BAIAP2L1: variants seen among roughly 807,000 people sequenced by gnomAD.
The protein encoded by BAIAP2L1 is BAR/IMD domain containing adaptor protein 2 like 1.
BAIAP2L1 carries 35 observed loss-of-function variants against 66.3 expected under a neutral mutation model. That is an observed-to-expected ratio of 0.53 (90% CI 0.40 to 0.70). The LOEUF is 0.70. Ranked by LOEUF, BAIAP2L1 falls within the 30% of genes least tolerant of loss-of-function variation. The pLI is 0.00. For synonymous variants in BAIAP2L1, 269 were observed against 248.7 expected (o/e 1.08, Z -0.77); for missense variants, 622 against 656.9 (o/e 0.95, Z 0.58).
chr7:98,300,304 T>C (rs1225817680), intron 12 of BAIAP2L1, among the ~76,000 whole-genome samples: 1 of 152,138 alleles, frequency 6.6e-6, no homozygotes, highest in Admixed American at 6.5e-5. Context: ...CACCAATGCG[T>C]CTGTAGGCTG....
At chr7:98,380,218 T>C (rs937747368) in intron 1 of BAIAP2L1, among the ~76,000 whole-genome samples, 1 of 151,978 alleles carries the variant, frequency 6.6e-6, no homozygotes, top group African/African-American at 2.4e-5. Flanking sequence ...GCAGGGACTT[T>C]AGGTACGCAC....
In BAIAP2L1 at chr7:98,307,481, T is replaced by C. The variant is rs937309659; in HGVS notation, c.1163+208A>G. 5 of 1,424,570 alleles carry C rather than the reference T, an allele frequency of 3.5e-6. No individual in the cohort carries two copies. The Admixed American group carries it at 1.4e-4, about 41-fold the overall frequency. 88.2% of individuals were successfully genotyped at this position (1,424,570 alleles called of 1,614,324 possible). A position where few individuals can be genotyped will look rare whatever the true frequency, so the allele number is the denominator to read the frequency against. On this transcript the variant is annotated intron_variant, in intron 10 of 13. Coordinates refer to ENST00000005260, the MANE Select transcript of BAIAP2L1 (RefSeq NM_018842.5). ...AGGTGACTTCATACGCTCTAATAAC[T>C]ATGCATGCACCAAATGTATCTCTAC...
chr7:98,378,006 G>A lies in BAIAP2L1; in HGVS notation c.52-15574C>T, dbSNP rs148026171. ...ACAAAAATTAGCTGGGCATAGTGGC[G>A]CATGCCTGTAGTTCCAGCTACAGGC... On this transcript the variant is annotated intron_variant, in intron 1 of 13. Coordinates refer to ENST00000005260, the MANE Select transcript of BAIAP2L1 (RefSeq NM_018842.5). Among the ~76,000 whole-genome samples, 32 of 151,668 alleles carry A rather than the reference G, an allele frequency of 2.1e-4. No homozygotes were observed. In the East Asian group the frequency reaches 4.7e-3, roughly 22 times the overall value.
chr7:98,357,029 A>T (rs1802144327), intron 2 of BAIAP2L1, among the ~76,000 whole-genome samples: 1 of 14,912 alleles, frequency 6.7e-5, no homozygotes, highest in Non-Finnish European at 1.1e-4. Context: ...AAATATATAT[A>T]TATATATATA....
At chr7:98,294,813 A>G (rs1396043457) in intron 12 of BAIAP2L1, among the ~76,000 whole-genome samples, 2 of 152,236 alleles carry the variant, frequency 1.3e-5, no homozygotes, top group African/African-American at 4.8e-5. Flanking sequence ...TGAGGAAAAG[A>G]GAAGGTGGAA....
chr7:98,349,945 T>C (rs1340780275), intron 3 of BAIAP2L1, among the ~76,000 whole-genome samples: 3 of 151,548 alleles, frequency 2.0e-5, no homozygotes, highest in East Asian at 3.9e-4. Context: ...TAATCCCAGC[T>C]ACTCGGGAGA....
chr7:98,396,738 C>T (rs1416825457), intron 1 of BAIAP2L1, among the ~76,000 whole-genome samples: 2 of 152,062 alleles, frequency 1.3e-5, no homozygotes, highest in African/African-American at 2.4e-5. Flanking sequence ...CAGAGAGCTG[C>T]GATTGCACCA....
intron 3 of BAIAP2L1, among the ~76,000 whole-genome samples, chr7:98,351,357 C>T (rs961539472): frequency 2.0e-5 from 3 of 152,180 alleles, no homozygotes; most frequent in Non-Finnish European, 2.9e-5. Context: ...GAGATGCCGA[C>T]GTGGGGGCTG....
chr7:98,318,347 A>G (rs1375113116), intron 5 of BAIAP2L1, among the ~76,000 whole-genome samples: 3 of 152,074 alleles, frequency 2.0e-5, no homozygotes, highest in African/African-American at 7.2e-5. Flanking sequence ...TGGTTGCAGC[A>G]AGCTGAGATC....
At chr7:98,326,596 C>T (rs1242227652) in intron 3 of BAIAP2L1, among the ~76,000 whole-genome samples, 8 of 152,074 alleles carry the variant, frequency 5.3e-5, no homozygotes, top group Non-Finnish European at 1.2e-4. Context: ...AATTACAAGT[C>T]ATGGAAAAGT....
intron 1 of BAIAP2L1, among the ~76,000 whole-genome samples, chr7:98,381,487 C>T (rs933446080): frequency 6.6e-6 from 1 of 152,218 alleles, no homozygotes; most frequent in Non-Finnish European, 1.5e-5. Flanking sequence ...GTGGCCTGAG[C>T]CTCCACTGGG....
Position 98,400,924 on chromosome 7 carries a change from G to C in BAIAP2L1, c.-72C>G, listed in dbSNP as rs1392241585. On this transcript the variant is annotated 5_prime_UTR_variant, in exon 1 of 14. Transcript: ENST00000005260. ...TCGTGGCCGCCGGACTCCGGGCAGC[G>C]GGAGGGCCGGGGCGCGACTAAGGGG... 9.2e-6 allele frequency: 13 copies of C among 1,409,076 alleles called. No individual in the cohort carries two copies. In the East Asian group the frequency reaches 3.2e-4, roughly 34 times the overall value. The allele number at this position is 1,409,076 out of a possible 1,614,324, so 87.3% of individuals were successfully genotyped here.
chr7:98,339,314 G>A (rs1801685041), intron 3 of BAIAP2L1, among the ~76,000 whole-genome samples: 1 of 152,070 alleles, frequency 6.6e-6, no homozygotes, highest in African/African-American at 2.4e-5. Context: ...CCACTCTATT[G>A]GGTGTGCTGT....
rs1295884170 is a variant in BAIAP2L1 at position 98,393,176 on chromosome 7, T to C, written c.51+7626A>G. Reference sequence around the variant, plus strand: ...ATATGTACACATATATGTATATATATACATATATGTGTGTGTTTATATATA... The same window carrying C: ...ATATGTACACATATATGTATATATACACATATATGTGTGTGTTTATATATA... On this transcript the variant is annotated intron_variant, in intron 1 of 13. Coordinates refer to ENST00000005260, the MANE Select transcript of BAIAP2L1 (RefSeq NM_018842.5). Among the ~76,000 whole-genome samples the C allele has an allele frequency of 3.0e-4, 17 of 57,268 alleles. 4 individuals are homozygous for C. The highest frequency in any genetic ancestry group is 4.9e-4 in the African/African-American group (12 of 24,344). 37.6% of individuals were successfully genotyped at this position (57,268 alleles called of 152,430 possible). A position where few individuals can be genotyped will look rare whatever the true frequency, so the allele number is the denominator to read the frequency against.
At chr7:98,300,942 G>T (rs377205079) in intron 12 of BAIAP2L1, among the ~76,000 whole-genome samples, 1 of 152,272 alleles carries the variant, frequency 6.6e-6, no homozygotes, top group Non-Finnish European at 1.5e-5. Flanking sequence ...CCCCTGATGC[G>T]TCCCAGGAAC....
chr7:98,314,496 C>T (rs1171119858), intron 7 of BAIAP2L1, among the ~76,000 whole-genome samples: 4 of 151,932 alleles, frequency 2.6e-5, no homozygotes, highest in Non-Finnish European at 5.9e-5. Context: ...TTTACAAAGG[C>T]CCAACAGAGT....
chr7:98,348,733 G>A (rs1801933104), intron 3 of BAIAP2L1, among the ~76,000 whole-genome samples: 1 of 152,222 alleles, frequency 6.6e-6, no homozygotes. Flanking sequence ...TCTAGTCTTT[G>A]ATACAGAAGC....
At chr7:98,306,832 G>A (rs1800676479) in intron 10 of BAIAP2L1, 4 of 359,132 alleles carry the variant, frequency 1.1e-5, no homozygotes, top group South Asian at 2.8e-5. Context: ...CTCAGCATCC[G>A]AGTAGCTGTG....
At chr7:98,369,394 A>G (rs1406870859) in intron 1 of BAIAP2L1, among the ~76,000 whole-genome samples, 1 of 152,146 alleles carries the variant, frequency 6.6e-6, no homozygotes, top group East Asian at 1.9e-4. Flanking sequence ...GAGGTAGGTG[A>G]ATCGCTTGAA....
Sources: gnomAD v4.1 joint callset for allele counts (sites outside exome capture counted in the v4.1 genomes callset) on GRCh38, gnomAD v4.1.1 for gene constraint, MANE v1.5 for transcripts, NCBI Gene and HGNC (gene_info 2026-07-23, HGNC 2026-07-21) for gene names.